KIF13A: variants seen among roughly 807,000 people sequenced by gnomAD.
KIF13A encodes the protein kinesin family member 13A.
KIF13A carries 79 observed loss-of-function variants against 212.2 expected under a neutral mutation model. The ratio of observed to expected loss-of-function variants is 0.37; its 90% CI spans 0.31 to 0.45. The LOEUF is 0.45. Ranked by LOEUF, KIF13A falls within the 20% of genes least tolerant of loss-of-function variation. The probability of loss-of-function intolerance (pLI) is 1.00; values close to 1 mark genes in which losing one functional copy is unlikely to be tolerated. For synonymous variants in KIF13A, 789 were observed against 808.6 expected, an observed-to-expected ratio of 0.98 and a Z score of 0.41; for missense variants, 1,901 against 2,209.0, an observed-to-expected ratio of 0.86 and a Z score of 2.79.
chr6:17,813,133 A>G (rs1431805231), intron 17 of KIF13A, among the ~76,000 whole-genome samples: 1 of 152,222 alleles, frequency 6.6e-6, no homozygotes, highest in Non-Finnish European at 1.5e-5. Flanking sequence ...CTCTTCAGAA[A>G]AAGGACCATC....
rs766939708 is a variant in KIF13A, at chr6:17,919,588, C to A, written c.147-21408G>T. Among the ~76,000 whole-genome samples the A allele has an allele frequency of 2.6e-4, 40 of 152,184 alleles. No homozygotes were observed. Among genetic ancestry groups the A allele is most frequent in the Admixed American group, 5.2e-4 (8 of 15,280 alleles). Reference sequence around the variant, plus strand: ...TGTTCTACAGCCCCAAGGGGTCAGCCATGTCTCCACTCCTAATGCACTCAG... The same window carrying A: ...TGTTCTACAGCCCCAAGGGGTCAGCAATGTCTCCACTCCTAATGCACTCAG... On this transcript the variant is annotated intron_variant, in intron 2 of 38. Coordinates refer to ENST00000259711, the MANE Select transcript of KIF13A (RefSeq NM_022113.6). The surrounding 1 kb of genome is among the most constrained non-coding windows in gnomAD (Gnocchi z 4.1).
chr6:17,821,854 G>C, intron 16 of KIF13A: 1 of 1,535,226 alleles, frequency 6.5e-7, no homozygotes. Context: ...CTTCAAATAA[G>C]ACCACCAAGG....
Position 17,787,936 on chromosome 6 carries a change from C to CT in KIF13A, c.3262-62dup, listed in dbSNP as rs577872777. 75 of 950,622 alleles carry CT rather than the reference C, an allele frequency of 7.9e-5. No homozygotes were observed. The highest frequency in any genetic ancestry group is 3.8e-4 in the African/African-American group (23 of 60,468). 58.9% of individuals were successfully genotyped at this position (950,622 alleles called of 1,614,324 possible). A position where few individuals can be genotyped will look rare whatever the true frequency, so the allele number is the denominator to read the frequency against. ...TGCACAGACAACGATTTCTTTCTTT[C>CT]TTTTTTTAAAAGATGTTTAAATCAA... On this transcript the variant is annotated intron_variant, in intron 26 of 38. Transcript: ENST00000259711. This position sits in a 1 kb window ranked among gnomAD's most constrained non-coding sequence, Gnocchi z 4.6.
intron 12 of KIF13A, among the ~76,000 whole-genome samples, chr6:17,831,563 C>T (rs1765456741): frequency 6.6e-6 from 1 of 151,252 alleles, no homozygotes; most frequent in Non-Finnish European, 1.5e-5. Flanking sequence ...CCAGGAGAGA[C>T]ATCATGATGG....
At chr6:17,950,645 T>C in intron 2 of KIF13A, 1 of 985,262 alleles carries the variant, frequency 1.0e-6, no homozygotes, top group Non-Finnish European at 1.2e-6. Flanking sequence ...TAACTATCTC[T>C]CAATCTGAGG....
At chr6:17,957,418 A>T (rs540003938) in intron 2 of KIF13A, among the ~76,000 whole-genome samples, 29 of 152,240 alleles carry the variant, frequency 1.9e-4, no homozygotes, top group Admixed American at 1.9e-3. Flanking sequence ...GTATCTCTTC[A>T]TCTGGCTGTT....
chr6:17,886,968 C>T lies in KIF13A; in HGVS notation c.159+11200G>A, dbSNP rs962857433. Among the ~76,000 whole-genome samples, 4 of 151,990 alleles carry T rather than the reference C, an allele frequency of 2.6e-5. No homozygotes were observed. Among genetic ancestry groups the T allele is most frequent in the African/African-American group, 9.7e-5 (4 of 41,388 alleles). ...AGTGTGGTATATTGCATTACTGTTC[C>T]AAATGATTCCTGGCCCTCCTGGTAA... On this transcript the variant is annotated intron_variant, in intron 3 of 38. Coordinates refer to ENST00000259711, the MANE Select transcript of KIF13A (RefSeq NM_022113.6). This position sits in a 1 kb window ranked among gnomAD's most constrained non-coding sequence, Gnocchi z 5.6.
At chr6:17,881,508 A>G (rs1771058352) in intron 3 of KIF13A, 1 of 434,378 alleles carries the variant, frequency 2.3e-6, no homozygotes, top group Non-Finnish European at 4.5e-6. Context: ...CATCCTGGCC[A>G]ACATATGGTG....
At chr6:17,970,959 A>G (rs1485291588) in intron 2 of KIF13A, among the ~76,000 whole-genome samples, 2 of 152,242 alleles carry the variant, frequency 1.3e-5, no homozygotes. Flanking sequence ...GAGACAAAGT[A>G]ATTTACAACA....
chr6:17,946,789 C>G (rs893793399), intron 2 of KIF13A, among the ~76,000 whole-genome samples: 1 of 152,204 alleles, frequency 6.6e-6, no homozygotes, highest in African/African-American at 2.4e-5. Flanking sequence ...AAACTGGAAA[C>G]TACCCAAATG....
rs1368900538 is a variant in KIF13A at position 17,955,407 on chromosome 6, A to C, written c.146+31647T>G. Reference sequence around the variant, plus strand: ...TGAAGTGCTCCCTTGAGTAACTGATAGGGCAAAGCTTCATGTAGACTTTTG... The same window carrying C: ...TGAAGTGCTCCCTTGAGTAACTGATCGGGCAAAGCTTCATGTAGACTTTTG... On this transcript the variant is annotated intron_variant, in intron 2 of 38. Coordinates refer to ENST00000259711, the MANE Select transcript of KIF13A (RefSeq NM_022113.6). 2.0e-5 allele frequency among the ~76,000 whole-genome samples: 3 copies of C among 152,238 alleles called. No individual in the cohort carries two copies. The East Asian group carries it at 5.8e-4, about 29-fold the overall frequency.
intron 2 of KIF13A, among the ~76,000 whole-genome samples, chr6:17,924,488 T>C (rs566910838): frequency 6.6e-6 from 1 of 152,360 alleles, no homozygotes; most frequent in African/African-American, 2.4e-5. Flanking sequence ...TAAAAGTGCT[T>C]CTATAAGTAA....
intron 11 of KIF13A, among the ~76,000 whole-genome samples, chr6:17,836,160 G>C (rs928821819): frequency 6.6e-6 from 1 of 152,160 alleles, no homozygotes; most frequent in Non-Finnish European, 1.5e-5. Context: ...AATGCAAAAA[G>C]ATTTTGTTTC....
In KIF13A at chr6:17,918,885, ATTAT is replaced by A. The variant is rs1414392681; in HGVS notation, c.147-20709_147-20706del. ...ACCTTTCGCCATGTTAAACCATTTC[ATTAT>A]TTATTTGCTTATTATCCACAGGTCT... On this transcript the variant is annotated intron_variant, in intron 2 of 38. Coordinates refer to ENST00000259711, the MANE Select transcript of KIF13A (RefSeq NM_022113.6). The surrounding 1 kb of genome is among the most constrained non-coding windows in gnomAD (Gnocchi z 4.8). 6.6e-6 allele frequency among the ~76,000 whole-genome samples: 1 copy of A among 151,974 alleles called. No individual in the cohort carries two copies. Among genetic ancestry groups the A allele is most frequent in the Non-Finnish European group, 1.5e-5 (1 of 68,006 alleles).
At position 17,816,895 on chromosome 6, in the gene KIF13A, A is replaced by G; in HGVS notation, c.2000+125T>C. The G allele has an allele frequency of 2.9e-6, 2 of 688,494 alleles. No homozygotes were observed. Among genetic ancestry groups the G allele is most frequent in the Non-Finnish European group, 4.8e-6 (2 of 415,804 alleles). 42.6% of individuals were successfully genotyped at this position (688,494 alleles called of 1,614,324 possible). A position where few individuals can be genotyped will look rare whatever the true frequency, so the allele number is the denominator to read the frequency against. On this transcript the variant is annotated intron_variant, in intron 17 of 38. Transcript: ENST00000259711. The surrounding 1 kb of genome is among the most constrained non-coding windows in gnomAD (Gnocchi z 4.3). ...GTGAAAGGAAAAGCTAATTGGCAAT[A>G]TCACGTATGGGATTAAGAGTTCTCT...
intron 2 of KIF13A, among the ~76,000 whole-genome samples, chr6:17,938,113 T>C (rs1360183719): frequency 1.3e-5 from 2 of 152,144 alleles, no homozygotes; most frequent in African/African-American, 4.8e-5. Context: ...AAGGCTGGTC[T>C]TGAACTCCTG....
chr6:17,948,507 G>C (rs2150566519), intron 2 of KIF13A, among the ~76,000 whole-genome samples: 1 of 146,682 alleles, frequency 6.8e-6, no homozygotes, highest in Non-Finnish European at 1.5e-5. Context: ...ACAGGGAAGA[G>C]AAACATTTTG....
rs1017892596 is a variant in KIF13A at position 17,837,694 on chromosome 6, G to A, written c.831-111C>T. The A allele has an allele frequency of 3.8e-5, 28 of 742,658 alleles. No homozygotes were observed. The highest frequency in any genetic ancestry group is 6.6e-4 in the Middle Eastern group (2 of 3,022). 46.0% of individuals were successfully genotyped at this position (742,658 alleles called of 1,614,324 possible). On this transcript the variant is annotated intron_variant, in intron 9 of 38. Transcript: ENST00000259711. The surrounding 1 kb of genome is among the most constrained non-coding windows in gnomAD (Gnocchi z 5.4). ...TAATACACGTTGGTGGCTCACGCCC[G>A]TAATCCCAGCACTTTGGGAGGCCAA...
In KIF13A at chr6:17,794,929, T is replaced by G. The variant is rs140184227; in HGVS notation, c.2943-225A>C. On this transcript the variant is annotated intron_variant, in intron 23 of 38. Coordinates refer to ENST00000259711, the MANE Select transcript of KIF13A (RefSeq NM_022113.6). This position sits in a 1 kb window ranked among gnomAD's most constrained non-coding sequence, Gnocchi z 4.1. ...AATGTCCACATCTTGAGTATAGAGC[T>G]CGATGAGTTTTGAGAAATGCACATA... The G allele has an allele frequency of 6.2e-6, 3 of 485,732 alleles. No individual in the cohort carries two copies. Among genetic ancestry groups the G allele is most frequent in the Admixed American group, 3.9e-5 (1 of 25,764 alleles). 30.1% of individuals were successfully genotyped at this position (485,732 alleles called of 1,614,324 possible).
Sources: allele counts gnomAD v4.1 joint callset (sites outside exome capture counted in the v4.1 genomes callset), GRCh38; gene constraint gnomAD v4.1.1; non-coding constraint Gnocchi (gnomAD v3.1); transcripts MANE v1.5; gene names NCBI Gene and HGNC (gene_info 2026-07-23, HGNC 2026-07-21).